Variants in DISC1 observed in about 807,000 individuals in gnomAD.
DISC1 encodes the protein DISC1 scaffold protein.
DISC1 carries 57 observed loss-of-function variants against 84.5 expected under a neutral mutation model. The ratio of observed to expected loss-of-function variants is 0.67; its 90% CI spans 0.55 to 0.84. DISC1 has a LOEUF of 0.84. DISC1 is among the 40% of genes least tolerant of loss of function. The pLI is 0.00. For synonymous variants in DISC1, 411 were observed against 415.2 expected, an observed-to-expected ratio of 0.99 and a Z score of 0.12; for missense variants, 1,000 against 1,057.8, an observed-to-expected ratio of 0.95 and a Z score of 0.76.
chr1:231,737,635 A>G (rs1465612024), intron 3 of DISC1, among the ~76,000 whole-genome samples: 2 of 152,260 alleles, frequency 1.3e-5, no homozygotes, highest in African/African-American at 4.8e-5. Context: ...GACTTAGAAC[A>G]GAAAGGTCAC....
chr1:231,850,871 C>T (rs1036127148), intron 9 of DISC1, among the ~76,000 whole-genome samples: 2 of 152,172 alleles, frequency 1.3e-5, no homozygotes, highest in Non-Finnish European at 2.9e-5. Context: ...GTTCAACCAG[C>T]CTTCAGTAGA....
chr1:231,838,037 A>AT (rs2082747707), intron 9 of DISC1, among the ~76,000 whole-genome samples: 1 of 152,224 alleles, frequency 6.6e-6, no homozygotes, highest in Admixed American at 6.5e-5. Flanking sequence ...TCAATAGATA[A>AT]GAAAGATAGA....
intron 10 of DISC1, among the ~76,000 whole-genome samples, chr1:232,002,594 AGCACACAC>A (rs1232092264): frequency 8.8e-6 from 1 of 114,198 alleles, no homozygotes; most frequent in African/African-American, 3.6e-5. Context: ...AATTATGCTG[AGCACACAC>A]ACACACACAC....
At chr1:231,905,078 A>G (rs989664387) in intron 9 of DISC1, among the ~76,000 whole-genome samples, 2 of 152,220 alleles carry the variant, frequency 1.3e-5, no homozygotes, top group Admixed American at 6.5e-5. Context: ...GAATAACTTT[A>G]CAGTGGAGAA....
At position 231,854,960 on chromosome 1, in the gene DISC1, C is replaced by G. The variant is rs756517932; in HGVS notation, c.1981+36443C>G. 36 of 961,174 alleles carry G rather than the reference C, an allele frequency of 3.7e-5. No individual in the cohort carries two copies. The South Asian group carries it at 5.9e-4, about 16-fold the overall frequency. 59.5% of individuals were successfully genotyped at this position (961,174 alleles called of 1,614,324 possible). ...AAAACTCCTGACCTCAAGTGATCCA[C>G]CTTCCTCAGCCTCCCAAAGTGCTGG... is the stretch of plus-strand genomic sequence containing the variant. On this transcript the variant is annotated intron_variant, in intron 9 of 12. Transcript: ENST00000439617.
intron 10 of DISC1, among the ~76,000 whole-genome samples, chr1:231,997,313 T>C (rs1315004594): frequency 6.6e-6 from 1 of 152,170 alleles, no homozygotes; most frequent in Non-Finnish European, 1.5e-5. Flanking sequence ...TTAGGAAAGT[T>C]ATAAGCTAGG....
At chr1:231,741,214 C>T (rs111712125) in intron 3 of DISC1, among the ~76,000 whole-genome samples, 324 of 152,146 alleles carry the variant, frequency 2.1e-3, no homozygotes, top group Non-Finnish European at 3.8e-3. Flanking sequence ...GAGAGACTCA[C>T]GAGGATGTGA....
intron 6 of DISC1, among the ~76,000 whole-genome samples, chr1:231,789,389 G>A (rs1443060010): frequency 6.6e-6 from 1 of 152,216 alleles, no homozygotes; most frequent in Non-Finnish European, 1.5e-5. Flanking sequence ...GGCCATATAG[G>A]CCCTTGCAGA....
At chr1:231,837,650 T>C (rs910639511) in intron 9 of DISC1, among the ~76,000 whole-genome samples, 1 of 152,218 alleles carries the variant, frequency 6.6e-6, no homozygotes, top group Admixed American at 6.5e-5. Flanking sequence ...ACTGTTATTG[T>C]ATTTAACTCT....
intron 6 of DISC1, among the ~76,000 whole-genome samples, chr1:231,779,530 A>AT (rs1211855950): frequency 1.4e-5 from 2 of 141,522 alleles, no homozygotes; most frequent in Non-Finnish European, 3.0e-5. Context: ...GAATATGTAT[A>AT]CTTGGTCAAC....
At chr1:231,746,293 A>T (rs147936152) in intron 3 of DISC1, among the ~76,000 whole-genome samples, 6 of 152,338 alleles carry the variant, frequency 3.9e-5, no homozygotes, top group Admixed American at 3.9e-4. Context: ...TTCATTCTTA[A>T]TGGCTGAATA....
chr1:231,956,521 T>C (rs1309153078), intron 9 of DISC1, among the ~76,000 whole-genome samples: 1 of 152,198 alleles, frequency 6.6e-6, no homozygotes, highest in African/African-American at 2.4e-5. Flanking sequence ...ATTCTCAACA[T>C]AGTTGCTGTA....
At chr1:232,012,367 G>C (rs911887642) in intron 11 of DISC1, among the ~76,000 whole-genome samples, 3 of 152,180 alleles carry the variant, frequency 2.0e-5, no homozygotes, top group Admixed American at 6.5e-5. Context: ...TTCGGGTCCA[G>C]GATTTTAGAC....
At chr1:232,027,831 A>G (rs932282060) in intron 12 of DISC1, among the ~76,000 whole-genome samples, 12 of 129,918 alleles carry the variant, frequency 9.2e-5, no homozygotes, top group South Asian at 4.9e-4. Flanking sequence ...GTGTGTGTGT[A>G]TAAGTAGCTT....
intron 9 of DISC1, among the ~76,000 whole-genome samples, chr1:231,883,481 G>T (rs2086443980): frequency 6.6e-6 from 1 of 152,138 alleles, no homozygotes; most frequent in African/African-American, 2.4e-5. Context: ...TGTGGGGCAG[G>T]TCAGAGAGGA....
intron 11 of DISC1, among the ~76,000 whole-genome samples, chr1:232,020,430 C>T (rs976787172): frequency 1.3e-5 from 2 of 152,170 alleles, no homozygotes; most frequent in African/African-American, 2.4e-5. Flanking sequence ...GAGGATGGTT[C>T]CTAAGACCCC....
At chr1:231,941,682 A>G (rs1038885331) in intron 9 of DISC1, among the ~76,000 whole-genome samples, 5 of 151,924 alleles carry the variant, frequency 3.3e-5, no homozygotes, top group Non-Finnish European at 7.3e-5. Context: ...CATGTTGGCC[A>G]GGATGGTCTC....
At position 232,036,930 on chromosome 1, in the gene DISC1, G is replaced by A. The variant is rs959765695; in HGVS notation, c.*99G>A. 47 of 1,324,342 alleles carry A rather than the reference G, an allele frequency of 3.5e-5. No homozygotes were observed. The highest frequency in any genetic ancestry group is 2.1e-4 in the Middle Eastern group (1 of 4,656). The allele number at this position is 1,324,342 out of a possible 1,614,324, so 82.0% of individuals were successfully genotyped here. A position where few individuals can be genotyped will look rare whatever the true frequency, so the allele number is the denominator to read the frequency against. On this transcript the variant is annotated 3_prime_UTR_variant, in exon 13 of 13. Transcript: ENST00000439617. Reference sequence around the variant, plus strand: ...TAGCTAAGATGCCTGAATCAATTACGGAGATACAGAGCCTTGAGGTCTTTC... The same window carrying A: ...TAGCTAAGATGCCTGAATCAATTACAGAGATACAGAGCCTTGAGGTCTTTC...
chr1:231,786,888 T>C (rs1454028205), intron 6 of DISC1, among the ~76,000 whole-genome samples: 1 of 152,218 alleles, frequency 6.6e-6, no homozygotes, highest in Non-Finnish European at 1.5e-5. Flanking sequence ...TGCAGCCTCC[T>C]GGCTCTTCAG....
Sources: allele counts gnomAD v4.1 joint callset (sites outside exome capture counted in the v4.1 genomes callset), GRCh38; gene constraint gnomAD v4.1.1; transcripts MANE v1.5; gene names NCBI Gene and HGNC (gene_info 2026-07-23, HGNC 2026-07-21).